The following GPATCH2L variants were observed in gnomAD, a reference collection of about 807,000 sequenced individuals.
GPATCH2L encodes G patch domain-containing protein 2-like.
A neutral mutation model predicts 57.4 loss-of-function variants in GPATCH2L; 31 were observed. The ratio of observed to expected loss-of-function variants is 0.54; its 90% CI spans 0.41 to 0.73. The LOEUF (loss-of-function observed/expected upper bound fraction) is 0.73. Among genes scored for constraint, GPATCH2L ranks in the 30% least tolerant of loss-of-function variants. The probability of loss-of-function intolerance (pLI) is 0.00; values close to 1 mark genes in which losing one functional copy is unlikely to be tolerated. For synonymous variants in GPATCH2L, 199 were observed against 210.7 expected, an observed-to-expected ratio of 0.94 and a Z score of 0.48; for missense variants, 481 against 599.9, an observed-to-expected ratio of 0.80 and a Z score of 2.07.
chr14:76,224,990 A>G (rs1189505547), intron 1 of GPATCH2L, among the ~76,000 whole-genome samples: 1 of 152,184 alleles, frequency 6.6e-6, no homozygotes, highest in Admixed American at 6.5e-5. Flanking sequence ...GTCTAAATAA[A>G]TGGAGAGATC....
chr14:76,173,387 A>C (rs1271179278), intron 4 of GPATCH2L, among the ~76,000 whole-genome samples, 159 bp from the exon 5 acceptor site: 2 of 152,108 alleles, frequency 1.3e-5, no homozygotes, highest in Non-Finnish European at 2.9e-5. Context: ...CTAGTGACAA[A>C]GACCTGGGAA....
downstream of GPATCH2L, among the ~76,000 whole-genome samples, chr14:76,214,551 A>C (rs1354224768): frequency 6.6e-6 from 1 of 152,208 alleles, no homozygotes; most frequent in Non-Finnish European, 1.5e-5. Flanking sequence ...GCTTGCCTTC[A>C]GGTTCATAGA....
At chr14:76,191,745 G>C (rs2039972813) in intron 8 of GPATCH2L, among the ~76,000 whole-genome samples, 3 of 152,090 alleles carry the variant, frequency 2.0e-5, no homozygotes, top group Non-Finnish European at 4.4e-5. Context: ...AGGGTCATTA[G>C]CATATCCATC....
At position 76,213,217 on chromosome 14, in the gene GPATCH2L, A is replaced by G. The variant is rs902196611; in HGVS notation, c.*11366A>G. On this transcript the variant is annotated 3_prime_UTR_variant, in exon 10 of 10. Coordinates refer to ENST00000261530, the MANE Select transcript of GPATCH2L (RefSeq NM_017926.4). ...CAAGAGAAGACAAACACAAAATAAGAATTACCAAGTATTGAATAGGTAAGA... is the reference window on the plus strand; with the variant it reads ...CAAGAGAAGACAAACACAAAATAAGGATTACCAAGTATTGAATAGGTAAGA... 2.6e-5 allele frequency: 4 copies of G among 152,172 alleles called. No individual in the cohort carries two copies. The highest frequency in any genetic ancestry group is 9.7e-5 in the African/African-American group (4 of 41,446). The allele number at this position is 152,172 out of a possible 1,614,324, so 9.4% of individuals were successfully genotyped here. A position where few individuals can be genotyped will look rare whatever the true frequency, so the allele number is the denominator to read the frequency against.
chr14:76,208,735 C>G lies in GPATCH2L; in HGVS notation c.*6884C>G, dbSNP rs1216491572. The G allele has an allele frequency of 6.6e-6, 1 of 152,418 alleles. No individual in the cohort carries two copies. Among genetic ancestry groups the G allele is most frequent in the Non-Finnish European group, 1.5e-5 (1 of 68,166 alleles). The allele number at this position is 152,418 out of a possible 1,614,324, so 9.4% of individuals were successfully genotyped here. ...ATTTAAACATGTTCAGATACTCCTTCCTTCAAACAAAAGACCTTTCCTCAA... is the reference window on the plus strand; with the variant it reads ...ATTTAAACATGTTCAGATACTCCTTGCTTCAAACAAAAGACCTTTCCTCAA... On this transcript the variant is annotated 3_prime_UTR_variant, in exon 10 of 10. Transcript: ENST00000261530.
At chr14:76,217,480 A>C (rs1566827211), downstream of GPATCH2L, among the ~76,000 whole-genome samples, 1 of 152,120 alleles carries the variant, frequency 6.6e-6, no homozygotes, top group Non-Finnish European at 1.5e-5. Context: ...ATGTAAATCC[A>C]CATGGCAAAG....
chr14:76,227,428 G>C (rs149347444), intron 1 of GPATCH2L, among the ~76,000 whole-genome samples: 25 of 152,296 alleles, frequency 1.6e-4, no homozygotes, highest in Non-Finnish European at 2.9e-4. Context: ...GTCCAGGGGG[G>C]AGGGACTCAG....
intron 2 of GPATCH2L, among the ~76,000 whole-genome samples, chr14:76,231,452 C>T (rs1279369556): frequency 1.3e-5 from 2 of 152,112 alleles, no homozygotes; most frequent in African/African-American, 4.8e-5. Flanking sequence ...ATCAGAGTTC[C>T]TTCTGCAGCT....
At chr14:76,177,484 A>G (rs1472747353) in intron 6 of GPATCH2L, among the ~76,000 whole-genome samples, 1 of 151,706 alleles carries the variant, frequency 6.6e-6, no homozygotes, top group Non-Finnish European at 1.5e-5. Context: ...TCTTGTATGC[A>G]TCATGGTCAG....
intron 9 of GPATCH2L, among the ~76,000 whole-genome samples, chr14:76,199,115 A>G (rs2040240839): frequency 6.6e-6 from 1 of 152,238 alleles, no homozygotes; most frequent in Non-Finnish European, 1.5e-5. Flanking sequence ...AGGAGTAAAT[A>G]AAATACAGCA....
At chr14:76,168,491 C>T (rs908240428) in intron 3 of GPATCH2L, among the ~76,000 whole-genome samples, 3 of 152,154 alleles carry the variant, frequency 2.0e-5, no homozygotes, top group African/African-American at 7.2e-5. Flanking sequence ...CTGATCTTGC[C>T]TGGGCTCCAC....
chr14:76,231,643 A>ACACACACAC (rs1350451028), intron 2 of GPATCH2L, among the ~76,000 whole-genome samples: 5 of 151,492 alleles, frequency 3.3e-5, no homozygotes, highest in Non-Finnish European at 5.9e-5. Context: ...ACACACACAC[A>ACACACACAC]CACACACTCT....
intron 9 of GPATCH2L, among the ~76,000 whole-genome samples, chr14:76,197,923 A>G (rs2040205419): frequency 6.6e-6 from 1 of 152,190 alleles, no homozygotes; most frequent in African/African-American, 2.4e-5. Context: ...TTAAACATGC[A>G]GCCACAAATC....
downstream of GPATCH2L, among the ~76,000 whole-genome samples, chr14:76,218,588 T>C (rs1432489390): frequency 6.6e-6 from 1 of 151,800 alleles, no homozygotes; most frequent in Non-Finnish European, 1.5e-5. Context: ...AGATATCACT[T>C]CTCTCGATTT....
At chr14:76,165,078 T>A (rs904025161) in intron 2 of GPATCH2L, among the ~76,000 whole-genome samples, 3 of 152,252 alleles carry the variant, frequency 2.0e-5, no homozygotes, top group African/African-American at 7.2e-5. Context: ...ACACTAACTC[T>A]GTTGTTTCAG....
intron 2 of GPATCH2L, among the ~76,000 whole-genome samples, chr14:76,231,970 G>GCAGCCTCACTA: frequency 6.6e-6 from 1 of 150,966 alleles, no homozygotes; most frequent in Admixed American, 6.6e-5. Context: ...ACATCTCACT[G>GCAGCCTCACTA]CAGCCTCACT....
intron 5 of GPATCH2L, chr14:76,175,734 T>G (rs934546866): frequency 1.6e-4 from 25 of 152,198 alleles, no homozygotes; most frequent in African/African-American, 5.8e-4. Flanking sequence ...CCAGTTCTGC[T>G]GAAATGTGTA....
At chr14:76,218,978 TA>T (rs972550773), downstream of GPATCH2L, among the ~76,000 whole-genome samples, 3 of 73,510 alleles carry the variant, frequency 4.1e-5, no homozygotes, top group African/African-American at 1.6e-4. Flanking sequence ...GATTTAAACG[TA>T]AAAAATAATA....
intron 8 of GPATCH2L, among the ~76,000 whole-genome samples, chr14:76,181,323 A>G (rs374999270): frequency 1.3e-4 from 20 of 152,108 alleles, no homozygotes; most frequent in East Asian, 9.7e-4. Context: ...CTTCCCTTTG[A>G]CTGGAAAACT....
Sources: gnomAD v4.1 joint callset for allele counts (sites outside exome capture counted in the v4.1 genomes callset) on GRCh38, gnomAD v4.1.1 for gene constraint, MANE v1.5 for transcripts, NCBI Gene and HGNC (gene_info 2026-07-23, HGNC 2026-07-21) for gene names.